MACF1: variants seen among roughly 807,000 people sequenced by gnomAD.
MACF1 encodes microtubule-actin cross-linking factor 1.
A neutral mutation model predicts 854.8 loss-of-function variants in MACF1; 193 were observed. That is an observed-to-expected ratio of 0.23 (90% CI 0.20 to 0.25). The LOEUF (loss-of-function observed/expected upper bound fraction) is 0.25, where lower values mean the gene tolerates loss of function less well. MACF1 is among the 10% of genes least tolerant of loss of function. The pLI is 1.00. For synonymous variants in MACF1, 3,185 were observed against 3,226.7 expected (o/e 0.99, Z 0.44); for missense variants, 7,722 against 8,929.1 (o/e 0.86, Z 5.45).
chr1:39,432,355 G>A (rs1643889636), intron 66 of MACF1, among the ~76,000 whole-genome samples, 180 bp from the exon 67 acceptor site: 1 of 152,184 alleles, frequency 6.6e-6, no homozygotes, highest in Non-Finnish European at 1.5e-5. Context: ...AATGTGGTCA[G>A]TTTTAACTTG....
At chr1:39,464,044 A>G (rs1570173843) in intron 94 of MACF1, 1 of 213,432 alleles carries the variant, frequency 4.7e-6, no homozygotes, top group African/African-American at 2.3e-5. Flanking sequence ...AGTGGCTCCC[A>G]GGCTAGAGAG....
At chr1:39,389,349 G>GTTTT (rs1557625833) in intron 58 of MACF1, among the ~76,000 whole-genome samples, 16 of 105,880 alleles carry the variant, frequency 1.5e-4, no homozygotes, top group African/African-American at 6.3e-4. Flanking sequence ...TGGTTTTTGT[G>GTTTT]TGTTTTTTTT....
intron 58 of MACF1, among the ~76,000 whole-genome samples, chr1:39,400,574 A>G (rs1232295417): frequency 6.6e-6 from 1 of 151,770 alleles, no homozygotes; most frequent in Admixed American, 6.6e-5. Flanking sequence ...TGGCATGATC[A>G]TGGCTCACTG....
chr1:39,457,814 TC>T (rs956959986), intron 89 of MACF1: 4 of 152,612 alleles, frequency 2.6e-5, no homozygotes, highest in African/African-American at 9.6e-5. Context: ...AGTGTGTCAG[TC>T]CGTTTGCATT....
chr1:39,191,962 C>T (rs1288779118), intron 2 of MACF1, among the ~76,000 whole-genome samples: 1 of 151,948 alleles, frequency 6.6e-6, no homozygotes, highest in Admixed American at 6.6e-5. Context: ...ACCAGCCTGG[C>T]CAACATGGTG....
At chr1:39,381,837 A>G in intron 55 of MACF1, 116 bp from the exon 56 acceptor site, 1 of 758,508 alleles carries the variant, frequency 1.3e-6, no homozygotes. Flanking sequence ...CAAATAAGTA[A>G]ATAAATAAAT....
rs981891981 is a variant in MACF1, at chr1:39,468,848, C to T, written c.21889+116C>T. On this transcript the variant is annotated intron_variant, in intron 96 of 100. Coordinates refer to ENST00000564288, the MANE Select transcript of MACF1 (RefSeq NM_001394062.1). ...GTCTGTTTTTTATTTTGTTAAGCTG[C>T]CCAGGTGTCATCCCACTAGCACAGA... The T allele has an allele frequency of 3.9e-5, 36 of 919,832 alleles. No individual in the cohort carries two copies. The South Asian group carries it at 5.1e-4, about 13-fold the overall frequency. 57.0% of individuals were successfully genotyped at this position (919,832 alleles called of 1,614,324 possible). A position where few individuals can be genotyped will look rare whatever the true frequency, so the allele number is the denominator to read the frequency against.
At chr1:39,304,827 G>C (rs1307594131) in intron 23 of MACF1, 1 of 223,168 alleles carries the variant, frequency 4.5e-6, no homozygotes, top group East Asian at 1.2e-4. Flanking sequence ...CTCCCAAAGT[G>C]CTGGGATTAC....
chr1:39,387,000 T>C (rs771515949), intron 57 of MACF1, among the ~76,000 whole-genome samples, 187 bp from the exon 58 acceptor site: 1 of 152,238 alleles, frequency 6.6e-6, no homozygotes, highest in Non-Finnish European at 1.5e-5. Flanking sequence ...TTAGATCACC[T>C]TACAAGGTTG....
chr1:39,088,739 G>C (rs1347581008), intron 2 of MACF1, among the ~76,000 whole-genome samples: 2 of 152,238 alleles, frequency 1.3e-5, no homozygotes, highest in Non-Finnish European at 2.9e-5. Flanking sequence ...CTTGGGACCT[G>C]TGGGGAGTAT....
intron 2 of MACF1, among the ~76,000 whole-genome samples, chr1:39,194,483 A>G (rs1023128342): frequency 4.7e-5 from 7 of 150,002 alleles, no homozygotes; most frequent in African/African-American, 1.7e-4. Context: ...CCTCCCAGGT[A>G]GCTGAGACTA....
chr1:39,114,276 G>A lies in MACF1; in HGVS notation c.220+29838G>A, dbSNP rs978598699. Among the ~76,000 whole-genome samples the A allele has an allele frequency of 5.9e-5, 9 of 151,364 alleles. No individual in the cohort carries two copies. In the East Asian group the frequency reaches 1.7e-3, roughly 29 times the overall value. On this transcript the variant is annotated intron_variant, in intron 2 of 93. Transcript: ENST00000361689. The stretch of plus-strand genomic sequence containing the variant: ...ATATAAATCAGTTGGCTTCCCTGGT[G>A]GTCTAGTGGCTAGGATTCGGCACTT...
intron 40 of MACF1, among the ~76,000 whole-genome samples, chr1:39,344,149 G>A (rs1044953751): frequency 6.6e-6 from 1 of 151,710 alleles, no homozygotes; most frequent in Admixed American, 6.6e-5. Flanking sequence ...TTTAGGGCCA[G>A]GCGTGGTGGC....
intron 77 of MACF1, 64 bp from the exon 78 acceptor site, chr1:39,442,650 A>G: frequency 6.2e-7 from 1 of 1,609,364 alleles, no homozygotes; most frequent in African/African-American, 1.3e-5. Flanking sequence ...TGTTGTGTAT[A>G]TCTTAAGAGA....
intron 2 of MACF1, among the ~76,000 whole-genome samples, chr1:39,115,678 A>T (rs1260481177): frequency 6.6e-6 from 1 of 152,164 alleles, no homozygotes; most frequent in Non-Finnish European, 1.5e-5. Flanking sequence ...TTATCAAACC[A>T]CAGCCATAGG....
intron 23 of MACF1, among the ~76,000 whole-genome samples, chr1:39,303,787 G>T (rs187093138): frequency 6.6e-6 from 1 of 151,000 alleles, no homozygotes; most frequent in East Asian, 1.9e-4. Context: ...TCAGAGAATC[G>T]CTTGAACCTG....
At chr1:39,119,409 A>G (rs1269418663) in intron 2 of MACF1, among the ~76,000 whole-genome samples, 1 of 134,056 alleles carries the variant, frequency 7.5e-6, no homozygotes, top group Non-Finnish European at 1.7e-5. Context: ...CCATTATAAC[A>G]TTTCTTAGTT....
At chr1:39,204,098 A>AC (rs1157920956), upstream of MACF1, 1 of 152,106 alleles carries the variant, frequency 6.6e-6, no homozygotes, top group Non-Finnish European at 1.5e-5. Context: ...ACATGGTGAA[A>AC]CCCCATCTCT....
chr1:39,476,001 T>G (rs1644874359), intron 97 of MACF1, among the ~76,000 whole-genome samples: 1 of 152,194 alleles, frequency 6.6e-6, no homozygotes, highest in Admixed American at 6.5e-5. Context: ...AAGAGAGCAG[T>G]GTGTAGTAAC....
Sources: gnomAD v4.1 joint callset for allele counts (sites outside exome capture counted in the v4.1 genomes callset) on GRCh38, gnomAD v4.1.1 for gene constraint, MANE v1.5 for transcripts, NCBI Gene and HGNC (gene_info 2026-07-23, HGNC 2026-07-21) for gene names.